ITGB3: variants seen among roughly 807,000 people sequenced by gnomAD.
ITGB3 encodes integrin subunit beta 3.
ITGB3 carries 48 observed loss-of-function variants against 85.8 expected under a neutral mutation model. That is an observed-to-expected ratio of 0.56 (90% CI 0.44 to 0.71). The LOEUF (loss-of-function observed/expected upper bound fraction) is 0.71. Ranked by LOEUF, ITGB3 falls within the 30% of genes least tolerant of loss-of-function variation. The probability of loss-of-function intolerance (pLI) is 0.00; values close to 1 mark genes in which losing one functional copy is unlikely to be tolerated. For missense variants in ITGB3, 861 were observed against 1,019.1 expected (o/e 0.84, Z 2.11); for synonymous variants, 363 against 395.6 (o/e 0.92, Z 0.98).
intron 1 of ITGB3, among the ~76,000 whole-genome samples, chr17:47,265,189 T>C (rs1459930954): frequency 6.6e-6 from 1 of 152,242 alleles, no homozygotes; most frequent in Non-Finnish European, 1.5e-5. Context: ...AAAAATTTCA[T>C]TTCATGCTGG....
rs910005054 is a variant in ITGB3, at chr17:47,253,884, G to C, written c.23G>C (p.Arg8Pro). 2.0e-5 allele frequency: 26 copies of C among 1,283,852 alleles called. No individual in the cohort carries two copies. The highest frequency in any genetic ancestry group is 2.6e-5 in the South Asian group (1 of 37,908). 79.5% of individuals were successfully genotyped at this position (1,283,852 alleles called of 1,614,324 possible). A position where few individuals can be genotyped will look rare whatever the true frequency, so the allele number is the denominator to read the frequency against. Residue 8 changes from arginine to proline, a missense_variant, in exon 1 of 15, where the codon CGG becomes CCG. Transcript: ENST00000559488. ...GAGATGCGAGCGCGGCCGCGGCCCC[G>C]GCCGCTCTGGGCGACTGTGCTGGCG... is the stretch of plus-strand genomic sequence containing the variant. MRARPRP[R>P]PLWATVLALG...
intron 6 of ITGB3, among the ~76,000 whole-genome samples, chr17:47,288,882 AGCCAATGTG>A (rs1373283123): frequency 6.6e-6 from 1 of 152,266 alleles, no homozygotes. Context: ...GGTGTGGCAC[AGCCAATGTG>A]GCTATACGTA....
At chr17:47,270,816 A>C (rs1362376482) in intron 1 of ITGB3, among the ~76,000 whole-genome samples, 1 of 152,230 alleles carries the variant, frequency 6.6e-6, no homozygotes, top group Non-Finnish European at 1.5e-5. Flanking sequence ...TGGGGCTTCC[A>C]GGAGGTGCTT....
At chr17:47,293,635 A>T (rs1379327408) in intron 10 of ITGB3, among the ~76,000 whole-genome samples, 2 of 150,978 alleles carry the variant, frequency 1.3e-5, no homozygotes, top group Admixed American at 6.6e-5. Context: ...TTTGAGACGG[A>T]GTCTTGCTCT....
chr17:47,259,575 A>C (rs2065002000), intron 1 of ITGB3, among the ~76,000 whole-genome samples: 1 of 152,168 alleles, frequency 6.6e-6, no homozygotes, highest in African/African-American at 2.4e-5. Context: ...ACAAGGTGAT[A>C]CACATTTTAA....
intron 13 of ITGB3, among the ~76,000 whole-genome samples, chr17:47,304,759 C>G (rs992902859): frequency 2.0e-5 from 3 of 152,072 alleles, no homozygotes; most frequent in South Asian, 2.1e-4. Flanking sequence ...AGGCGCCCAC[C>G]ACCACACCTG....
At chr17:47,292,612 C>G in intron 10 of ITGB3, 44 bp downstream of exon 10, 1 of 1,587,252 alleles carries the variant, frequency 6.3e-7, no homozygotes, top group East Asian at 2.2e-5. Context: ...CCCACACCCC[C>G]TCATATACCT....
At chr17:47,286,795 A>G (rs972974562) in intron 5 of ITGB3, among the ~76,000 whole-genome samples, 1 of 152,214 alleles carries the variant, frequency 6.6e-6, no homozygotes, top group African/African-American at 2.4e-5. Context: ...GAGCAATGTG[A>G]CTGTCATTAG....
Position 47,289,775 on chromosome 17 carries a change from AG to A in ITGB3, c.1035+1del, listed in dbSNP as rs746185894. 1 of 1,611,280 alleles carries A rather than the reference AG, an allele frequency of 6.2e-7. No individual in the cohort carries two copies. The highest frequency in any genetic ancestry group is 1.7e-5 in the Admixed American group (1 of 60,016). ...ACTGAAAATGTAGTCAATCTCTATC[AG>A]GTGACTGTGCCTTCGGGCTTCCTGG... The part of the protein sequence containing the change: ...AVTENVVNLY[Q>X]NYSELIPGTT... On this transcript the variant is annotated frameshift_variant and splice_region_variant, in exon 7 of 15. Transcript: ENST00000559488. LOFTEE classifies it high-confidence loss of function.
intron 1 of ITGB3, among the ~76,000 whole-genome samples, chr17:47,257,108 A>G (rs2064993181): frequency 1.3e-5 from 2 of 152,252 alleles, no homozygotes; most frequent in Non-Finnish European, 2.9e-5. Flanking sequence ...GAGGCACAAA[A>G]TAAGTGTTTA....
intron 10 of ITGB3, among the ~76,000 whole-genome samples, chr17:47,298,794 G>T (rs35818256): frequency 3.5e-4 from 54 of 152,198 alleles, no homozygotes; most frequent in Non-Finnish European, 7.2e-4. Context: ...GGCGAGCAGC[G>T]CTGTGTCAGG....
chr17:47,282,085 A>C (rs1324886190), intron 2 of ITGB3, among the ~76,000 whole-genome samples: 1 of 152,014 alleles, frequency 6.6e-6, no homozygotes, highest in African/African-American at 2.4e-5. Context: ...AGTAGCTGGG[A>C]CTACAGGTGC....
At chr17:47,257,653 G>C (rs1250123596) in intron 1 of ITGB3, among the ~76,000 whole-genome samples, 4 of 152,140 alleles carry the variant, frequency 2.6e-5, no homozygotes, top group Non-Finnish European at 5.9e-5. Context: ...TAATCTGGAG[G>C]GTATGAAAAC....
At chr17:47,297,439 T>A (rs993988882) in intron 10 of ITGB3, among the ~76,000 whole-genome samples, 1 of 152,156 alleles carries the variant, frequency 6.6e-6, no homozygotes, top group Non-Finnish European at 1.5e-5. Context: ...ATGGATCACC[T>A]GAGGTCAGGA....
chr17:47,297,584 A>G (rs1180837261), intron 10 of ITGB3, among the ~76,000 whole-genome samples: 3 of 151,832 alleles, frequency 2.0e-5, no homozygotes, highest in African/African-American at 7.3e-5. Flanking sequence ...TGAACACGGG[A>G]GGTGGGGGTT....
intron 1 of ITGB3, among the ~76,000 whole-genome samples, chr17:47,265,771 C>G (rs1001497221): frequency 6.6e-6 from 1 of 152,064 alleles, no homozygotes; most frequent in African/African-American, 2.4e-5. Context: ...TGTTAAATAC[C>G]GTACTTAACT....
intron 1 of ITGB3, among the ~76,000 whole-genome samples, chr17:47,264,082 G>T (rs1482960394): frequency 6.6e-6 from 1 of 152,144 alleles, no homozygotes; most frequent in Non-Finnish European, 1.5e-5. Flanking sequence ...ATTCCAACTT[G>T]CTTAGTTCTG....
chr17:47,312,971 CA>C lies in ITGB3; in HGVS notation c.*2768del, dbSNP rs1209685490. Among the ~76,000 whole-genome samples the C allele has an allele frequency of 6.6e-6, 1 of 152,040 alleles. No individual in the cohort carries two copies. The highest frequency in any genetic ancestry group is 1.5e-5 in the Non-Finnish European group (1 of 68,008). On this transcript the variant is annotated 3_prime_UTR_variant, in exon 15 of 15. Transcript: ENST00000559488. ...ACTTCTCTGAGATTCCCAGGTCATC[CA>C]TGATTTTTTTTTTAATTTGAGACAA...
intron 2 of ITGB3, among the ~76,000 whole-genome samples, chr17:47,279,356 C>G (rs1229677192): frequency 6.6e-6 from 1 of 152,130 alleles, no homozygotes; most frequent in Admixed American, 6.5e-5. Flanking sequence ...TTCTTTCTAC[C>G]TTCTCAGCCT....
Sources: allele counts gnomAD v4.1 joint callset (sites outside exome capture counted in the v4.1 genomes callset), GRCh38; gene constraint gnomAD v4.1.1; transcripts MANE v1.5; gene names NCBI Gene and HGNC (gene_info 2026-07-23, HGNC 2026-07-21).